Variants in BPHL observed in about 807,000 individuals in gnomAD.
The protein encoded by BPHL is biphenyl hydrolase like.
A neutral mutation model predicts 31.2 loss-of-function variants in BPHL; 27 were observed. That is an observed-to-expected ratio of 0.87 (90% CI 0.64 to 1.19). The LOEUF (loss-of-function observed/expected upper bound fraction) is 1.19, where lower values mean the gene tolerates loss of function less well. Among genes scored for constraint, BPHL ranks in the 50% most tolerant of loss-of-function variants. BPHL has a pLI of 0.00. For missense variants in BPHL, 356 were observed against 375.7 expected (o/e 0.95, Z 0.43); for synonymous variants, 150 against 146.8 (o/e 1.02, Z -0.16).
chr6:3,129,114 G>A lies in BPHL; in HGVS notation c.448G>A (p.Ala150Thr). The change falls in exon 4 of 7, where the codon GCA becomes ACA. Residue 150 changes from alanine (A) to threonine (T), a missense_variant. Transcript: ENST00000380379. ...DGGITALIAA[A>T]KYPSYIHKMV... ...GGGCATAACCGCACTCATTGCTGCT[G>A]CAAAATATCCATCTTACATCCACAA... is the stretch of plus-strand genomic sequence containing the variant. 6.2e-7 allele frequency: 1 copy of A among 1,613,616 alleles called. No homozygotes were observed. Among genetic ancestry groups the A allele is most frequent in the South Asian group, 1.1e-5 (1 of 90,892 alleles).
chr6:3,122,586 A>G (rs573704370), intron 1 of BPHL, among the ~76,000 whole-genome samples: 129 of 152,306 alleles, frequency 8.5e-4, no homozygotes, highest in African/African-American at 3.0e-3. Flanking sequence ...CAGGCAGCAC[A>G]GACACTGGCA....
In BPHL at chr6:3,152,524, T is replaced by C. The variant is rs1243395301; in HGVS notation, c.825T>C (p.His275=). The C allele has an allele frequency of 3.7e-6, 6 of 1,613,478 alleles. No homozygotes were observed. The highest frequency in any genetic ancestry group is 5.1e-6 in the Non-Finnish European group (6 of 1,179,834). The change falls in exon 7 of 7, where the codon CAT becomes CAC. Residue 275 remains histidine, a synonymous_variant. Coordinates refer to ENST00000380379, the MANE Select transcript of BPHL (RefSeq NM_004332.4). ...TGCCAGAAGGCAAACACAACCTGCA[T>C]TTGCGTTTTGCAGATGAATTCAACA... is the stretch of plus-strand genomic sequence containing the variant. ...HLMPEGKHNL[H]LRFADEFNKL...
At chr6:3,118,654 G>A, upstream of BPHL, 1 of 949,276 alleles carries the variant, frequency 1.1e-6, no homozygotes, top group Non-Finnish European at 1.4e-6. Context: ...GGGCGGAGCA[G>A]AGGGCGTGGC....
In BPHL at chr6:3,118,937, G is replaced by A. The variant is rs956046761; in HGVS notation, c.107+90G>A. 26 of 1,083,812 alleles carry A rather than the reference G, an allele frequency of 2.4e-5. No homozygotes were observed. The African/African-American group carries it at 4.1e-4, about 17-fold the overall frequency. 67.1% of individuals were successfully genotyped at this position (1,083,812 alleles called of 1,614,324 possible). On this transcript the variant is annotated intron_variant, in intron 1 of 6. Transcript: ENST00000380379. Reference sequence around the variant, plus strand: ...GCGCGTGCCGACAGCAGGAGTTCCCGGCGCGCGGGCACGGGGCGTGGGCGC... The same window carrying A: ...GCGCGTGCCGACAGCAGGAGTTCCCAGCGCGCGGGCACGGGGCGTGGGCGC...
chr6:3,150,420 A>G (rs1299092297), intron 6 of BPHL, among the ~76,000 whole-genome samples: 1 of 152,116 alleles, frequency 6.6e-6, no homozygotes, highest in Non-Finnish European at 1.5e-5. Context: ...TGACCCATAC[A>G]TTTACCTTGG....
At chr6:3,129,670 G>A (rs1761815100) in intron 4 of BPHL, among the ~76,000 whole-genome samples, 1 of 152,180 alleles carries the variant, frequency 6.6e-6, no homozygotes, top group South Asian at 2.1e-4. Flanking sequence ...GTGAGAGAGA[G>A]ATGGGGGAGG....
At chr6:3,119,505 C>G in intron 1 of BPHL, 3 of 1,614,112 alleles carry the variant, frequency 1.9e-6, no homozygotes, top group Non-Finnish European at 2.5e-6. Context: ...CCTGTCCCCC[C>G]ATTTCAGGTA....
intron 6 of BPHL, among the ~76,000 whole-genome samples, chr6:3,151,221 C>A (rs1253463816): frequency 6.6e-6 from 1 of 152,152 alleles, no homozygotes; most frequent in African/African-American, 2.4e-5. Flanking sequence ...GCAATTCGTT[C>A]TTTCCTGTTT....
At position 3,140,624 on chromosome 6, in the gene BPHL, T is replaced by G; in HGVS notation, c.788+115T>G. 2.0e-6 allele frequency: 3 copies of G among 1,477,102 alleles called. No homozygotes were observed. Among genetic ancestry groups the G allele is most frequent in the Non-Finnish European group, 2.7e-6 (3 of 1,092,138 alleles). The allele number at this position is 1,477,102 out of a possible 1,614,324, so 91.5% of individuals were successfully genotyped here. A position where few individuals can be genotyped will look rare whatever the true frequency, so the allele number is the denominator to read the frequency against. ...GAGTTTTAGAGTGCACAGCCCCCCT[T>G]TTGCCAATGCCAGTCAGTAGCACCG... On this transcript the variant is annotated intron_variant, in intron 6 of 6. Transcript: ENST00000380379. The surrounding 1 kb of genome is among the most constrained non-coding windows in gnomAD (Gnocchi z 5.2).
At chr6:3,128,963 T>C (rs1761790006) in intron 3 of BPHL, 82 bp from the exon 4 acceptor site, 2 of 1,586,482 alleles carry the variant, frequency 1.3e-6, no homozygotes, top group African/African-American at 1.3e-5. Context: ...ACACCTGTAT[T>C]GATTCTGATA....
Position 3,137,176 on chromosome 6 carries a change from C to T in BPHL, c.533-186C>T, listed in dbSNP as rs576618029. Among the ~76,000 whole-genome samples, 7 of 151,996 alleles carry T rather than the reference C, an allele frequency of 4.6e-5. No homozygotes were observed. The South Asian group carries it at 1.5e-3, about 32-fold the overall frequency. On this transcript the variant is annotated intron_variant, in intron 4 of 6. Coordinates refer to ENST00000380379, the MANE Select transcript of BPHL (RefSeq NM_004332.4). ...GTCCTAGTGGGAGGCAGGCACTCAG[C>T]CCTGGGTCCAGAAGGCACCGCAAAG...
chr6:3,127,339 G>GCC lies in BPHL; in HGVS notation c.313_314dup (p.Asp106GlnfsTer20). 11 of 1,609,364 alleles carry GCC rather than the reference G, an allele frequency of 6.8e-6. No individual in the cohort carries two copies. The highest frequency in any genetic ancestry group is 9.3e-6 in the Non-Finnish European group (11 of 1,177,224). The stretch of plus-strand genomic sequence containing the variant: ...ATCCTCGAGGCTATGGACATTCCAG[G>GCC]CCCCCAGATCGCGATTTCCCAGCAG... On this transcript the variant is annotated frameshift_variant, in exon 3 of 7. Transcript: ENST00000380379. LOFTEE classifies it high-confidence loss of function.
intron 4 of BPHL, among the ~76,000 whole-genome samples, chr6:3,134,576 A>C (rs1581472921): frequency 6.8e-6 from 1 of 146,110 alleles, no homozygotes. Flanking sequence ...AGCTGGCACT[A>C]CAGGCGTGTG....
intron 4 of BPHL, among the ~76,000 whole-genome samples, chr6:3,133,650 A>C (rs1761933626): frequency 2.7e-5 from 4 of 146,794 alleles, no homozygotes; most frequent in South Asian, 2.2e-4. Flanking sequence ...CTCCCTTCCC[A>C]CTCCTTCACT....
intron 6 of BPHL, among the ~76,000 whole-genome samples, chr6:3,150,408 A>G (rs1424280943): frequency 1.3e-5 from 2 of 152,178 alleles, no homozygotes; most frequent in African/African-American, 4.8e-5. Flanking sequence ...ACAGAGGTAA[A>G]GTGACCCATA....
intron 4 of BPHL, among the ~76,000 whole-genome samples, chr6:3,133,122 A>C (rs540597964): frequency 3.9e-5 from 6 of 152,158 alleles, no homozygotes; most frequent in Non-Finnish European, 8.8e-5. Flanking sequence ...CGTGATATCC[A>C]TGTAAGGTCT....
At chr6:3,129,628 T>G (rs1385227645) in intron 4 of BPHL, among the ~76,000 whole-genome samples, 2 of 152,166 alleles carry the variant, frequency 1.3e-5, no homozygotes, top group Non-Finnish European at 2.9e-5. Context: ...GAGCCATGAT[T>G]GTGCCACTGC....
At chr6:3,133,929 TC>T (rs1761939645) in intron 4 of BPHL, among the ~76,000 whole-genome samples, 1 of 152,304 alleles carries the variant, frequency 6.6e-6, no homozygotes, top group East Asian at 1.9e-4. Context: ...AATTTACACT[TC>T]CACCAGCAAT....
chr6:3,144,532 G>A (rs1175725797), intron 6 of BPHL, among the ~76,000 whole-genome samples: 47 of 151,874 alleles, frequency 3.1e-4, no homozygotes, highest in Admixed American at 3.0e-3. Flanking sequence ...ACATAGGCAC[G>A]TACCACCACT....
Sources: gnomAD v4.1 joint callset for allele counts (sites outside exome capture counted in the v4.1 genomes callset) on GRCh38, gnomAD v4.1.1 for gene constraint, Gnocchi (gnomAD v3.1) non-coding constraint, MANE v1.5 for transcripts, NCBI Gene and HGNC (gene_info 2026-07-23, HGNC 2026-07-21) for gene names.